Variants in PDE4D observed in about 807,000 individuals in gnomAD.
PDE4D encodes the protein phosphodiesterase 4D.
PDE4D carries 24 observed loss-of-function variants against 87.4 expected under a neutral mutation model. The ratio of observed to expected loss-of-function variants is 0.27; its 90% CI spans 0.20 to 0.39. The LOEUF is 0.39. Ranked by LOEUF, PDE4D falls within the 10% of genes least tolerant of loss-of-function variation. PDE4D has a pLI of 1.00. For missense variants in PDE4D, 714 were observed against 1,041.0 expected, an observed-to-expected ratio of 0.69 and a Z score of 4.32; for synonymous variants, 384 against 383.2, an observed-to-expected ratio of 1.00 and a Z score of -0.02.
intron 1 of PDE4D, among the ~76,000 whole-genome samples, chr5:59,599,330 T>C (rs1029337467): frequency 2.6e-5 from 4 of 151,690 alleles, no homozygotes; most frequent in African/African-American, 9.7e-5. Flanking sequence ...TGAGTGATTC[T>C]GCTACCTTAG....
At chr5:60,448,865 A>G (rs1416284809) in intron 1 of PDE4D, among the ~76,000 whole-genome samples, 1 of 152,140 alleles carries the variant, frequency 6.6e-6, no homozygotes, top group African/African-American at 2.4e-5. Flanking sequence ...AATGCCTCCA[A>G]AAGGTATCTG....
At chr5:60,123,383 G>A (rs931165622) in intron 2 of PDE4D, among the ~76,000 whole-genome samples, 125 of 152,270 alleles carry the variant, frequency 8.2e-4, no homozygotes, top group African/African-American at 2.9e-3. Context: ...ACATGGCTGG[G>A]AAGGCCTCAC....
intron 1 of PDE4D, among the ~76,000 whole-genome samples, chr5:60,448,242 T>C (rs1583803199): frequency 6.6e-6 from 1 of 152,138 alleles, no homozygotes. Context: ...TTAAACCATA[T>C]GTGACTTTAT....
rs188181114 is a variant in PDE4D at position 59,412,356 on chromosome 5, G to T, written c.456-196388C>A. On this transcript the variant is annotated intron_variant, in intron 1 of 14. Transcript: ENST00000340635. ...AAATCTAACAGCTCAACTTTCAATT[G>T]CAGAAGAGAAAGTGAAGAATTGAAC... 6.4e-4 allele frequency among the ~76,000 whole-genome samples: 97 copies of T among 152,154 alleles called. 1 individual carries two copies. The highest frequency in any genetic ancestry group is 2.2e-3 in the African/African-American group (93 of 41,486).
chr5:60,359,830 C>A (rs1759910037), intron 1 of PDE4D, among the ~76,000 whole-genome samples: 1 of 152,156 alleles, frequency 6.6e-6, no homozygotes, highest in Non-Finnish European at 1.5e-5. Context: ...TCTTTCTTAT[C>A]CATCTACCCC....
intron 2 of PDE4D, among the ~76,000 whole-genome samples, chr5:59,996,025 C>T (rs1763495275): frequency 3.9e-5 from 6 of 152,208 alleles, no homozygotes; most frequent in Admixed American, 3.9e-4. Context: ...AGTTGAAACA[C>T]ATAATAGGGA....
At chr5:59,804,629 G>A (rs1329473535) in intron 1 of PDE4D, among the ~76,000 whole-genome samples, 1 of 152,036 alleles carries the variant, frequency 6.6e-6, no homozygotes, top group African/African-American at 2.4e-5. Flanking sequence ...TCCACACTTG[G>A]ATAAATCTCA....
At chr5:60,465,213 A>G (rs1747256021) in intron 1 of PDE4D, among the ~76,000 whole-genome samples, 1 of 152,180 alleles carries the variant, frequency 6.6e-6, no homozygotes, top group Admixed American at 6.5e-5. Flanking sequence ...TCTCTTCAAT[A>G]TATTAGTCCT....
intron 2 of PDE4D, among the ~76,000 whole-genome samples, chr5:60,053,682 T>C (rs1770460267): frequency 6.6e-6 from 1 of 152,116 alleles, no homozygotes; most frequent in African/African-American, 2.4e-5. Flanking sequence ...GAAGCCAAAA[T>C]TGACAAATGG....
intron 5 of PDE4D, among the ~76,000 whole-genome samples, chr5:59,119,541 C>T (rs1774141728): frequency 6.6e-6 from 1 of 152,144 alleles, no homozygotes; most frequent in South Asian, 2.1e-4. Context: ...ATTTTCTACC[C>T]TACGTATAAC....
intron 1 of PDE4D, among the ~76,000 whole-genome samples, chr5:59,623,964 A>C (rs1830609678): frequency 6.6e-6 from 1 of 152,208 alleles, no homozygotes; most frequent in Admixed American, 6.5e-5. Flanking sequence ...GTTTATATGC[A>C]TCATATCAGT....
chr5:59,745,961 G>A (rs73103112), intron 1 of PDE4D, among the ~76,000 whole-genome samples: 4,580 of 152,170 alleles, frequency 0.03, 229 homozygotes, highest in African/African-American at 0.11. Flanking sequence ...AAATATTCCT[G>A]TATAAATGTT....
chr5:59,424,025 G>C (rs2153628516), intron 1 of PDE4D, among the ~76,000 whole-genome samples: 1 of 152,184 alleles, frequency 6.6e-6, no homozygotes, highest in African/African-American at 2.4e-5. Context: ...AAAGGGTGAG[G>C]TGAAGGAGGA....
chr5:59,531,046 GATGTT>G (rs1238256714), intron 1 of PDE4D, among the ~76,000 whole-genome samples: 10 of 152,172 alleles, frequency 6.6e-5, no homozygotes, highest in Non-Finnish European at 1.0e-4. Flanking sequence ...AAAAGTAAAT[GATGTT>G]ATTTGGGCAA....
intron 1 of PDE4D, among the ~76,000 whole-genome samples, chr5:59,521,843 G>A (rs1212872317): frequency 1.3e-5 from 2 of 152,138 alleles, no homozygotes; most frequent in African/African-American, 4.8e-5. Context: ...TGTCACCCCA[G>A]AATGTAGAAA....
chr5:59,485,647 T>C (rs1404476627), intron 1 of PDE4D, among the ~76,000 whole-genome samples: 1 of 152,040 alleles, frequency 6.6e-6, no homozygotes, highest in African/African-American at 2.4e-5. Flanking sequence ...ACAATCTTAC[T>C]GCAGAATAGT....
Position 59,469,494 on chromosome 5 carries a change from T to C in PDE4D, c.456-253526A>G, listed in dbSNP as rs933572588. On this transcript the variant is annotated intron_variant, in intron 1 of 14. Transcript: ENST00000340635. ...ATGTGCCATCTGTGTATAGATACGA[T>C]GTCTTTGACTGTCTGCTGGTCACAG... 3.3e-5 allele frequency among the ~76,000 whole-genome samples: 5 copies of C among 152,324 alleles called. No homozygotes were observed. The South Asian group carries it at 6.2e-4, about 19-fold the overall frequency.
chr5:59,876,280 G>A (rs1748594765), intron 1 of PDE4D, among the ~76,000 whole-genome samples: 2 of 152,128 alleles, frequency 1.3e-5, no homozygotes, highest in African/African-American at 4.8e-5. Flanking sequence ...ATTAATAAAT[G>A]ATAGTGCTGA....
rs549293819 is a variant in PDE4D at position 59,504,943 on chromosome 5, T to C, written c.456-288975A>G. ...GTGTGTGTGTGTGTGTGTGTGTGCG[T>C]GCGCGTGTGTTTGTGTATGTGTGTG... On this transcript the variant is annotated intron_variant, in intron 1 of 14. Transcript: ENST00000340635. Among the ~76,000 whole-genome samples the C allele has an allele frequency of 1.7e-4, 25 of 147,106 alleles. No homozygotes were observed. The East Asian group carries it at 3.9e-3, about 23-fold the overall frequency.
Sources: gnomAD v4.1 joint callset for allele counts (sites outside exome capture counted in the v4.1 genomes callset) on GRCh38, gnomAD v4.1.1 for gene constraint, MANE v1.5 for transcripts, NCBI Gene and HGNC (gene_info 2026-07-23, HGNC 2026-07-21) for gene names.